The following DCDC2C variants were observed in gnomAD, a reference collection of about 807,000 sequenced individuals.
DCDC2C encodes doublecortin domain containing 2C, also known as doublecortin domain-containing protein 2C.
Under a neutral mutation model 45.0 loss-of-function variants are expected in DCDC2C, and 44 were observed. That is an observed-to-expected ratio of 0.98 (90% CI 0.77 to 1.26). DCDC2C has a LOEUF of 1.26. Among genes scored for constraint, DCDC2C ranks in the 50% most tolerant of loss-of-function variants. The pLI is 0.00. For synonymous variants in DCDC2C, 187 were observed against 178.8 expected, an observed-to-expected ratio of 1.05 and a Z score of -0.37; for missense variants, 447 against 468.9, an observed-to-expected ratio of 0.95 and a Z score of 0.43.
chr2:3,807,670 A>G (rs1368049601), intron 10 of DCDC2C, among the ~76,000 whole-genome samples: 3 of 151,920 alleles, frequency 2.0e-5, no homozygotes, highest in Non-Finnish European at 2.9e-5. Context: ...CTACCAGCAT[A>G]GTCAAGGTAT....
chr2:3,816,445 C>CT (rs1373059859), intron 10 of DCDC2C, among the ~76,000 whole-genome samples: 2 of 152,004 alleles, frequency 1.3e-5, no homozygotes, highest in African/African-American at 4.8e-5. Flanking sequence ...AGTCAGTCCC[C>CT]TTTTTTTAGC....
chr2:3,749,421 C>T (rs1016416610), intron 4 of DCDC2C, among the ~76,000 whole-genome samples: 3 of 152,166 alleles, frequency 2.0e-5, no homozygotes, highest in Admixed American at 6.5e-5. Context: ...TGTGATGTCC[C>T]GGCTCACATT....
At chr2:3,705,484 G>A (rs1397273100) in intron 1 of DCDC2C, among the ~76,000 whole-genome samples, 1 of 152,314 alleles carries the variant, frequency 6.6e-6, no homozygotes, top group Non-Finnish European at 1.5e-5. Context: ...TACAATTAAA[G>A]AATATATCTC....
At chr2:3,798,788 C>A (rs1407167986) in intron 10 of DCDC2C, among the ~76,000 whole-genome samples, 1 of 152,220 alleles carries the variant, frequency 6.6e-6, no homozygotes, top group Non-Finnish European at 1.5e-5. Flanking sequence ...ACCTTTCTCT[C>A]TGGCTGTGCT....
chr2:3,726,487 GC>G (rs1668691013), intron 2 of DCDC2C, among the ~76,000 whole-genome samples: 1 of 152,160 alleles, frequency 6.6e-6, no homozygotes, highest in East Asian at 1.9e-4. Flanking sequence ...ATAGTGGTTG[GC>G]CCGGCCTCTC....
intron 10 of DCDC2C, among the ~76,000 whole-genome samples, chr2:3,837,589 G>A (rs1263431917): frequency 1.3e-5 from 2 of 152,036 alleles, no homozygotes; most frequent in African/African-American, 4.8e-5. Context: ...ATTACAGCAC[G>A]TCTGTTCTCA....
intron 1 of DCDC2C, among the ~76,000 whole-genome samples, chr2:3,706,944 C>T (rs72769401): frequency 0.025 from 3,857 of 152,344 alleles, 68 homozygotes; most frequent in Middle Eastern, 0.088. Context: ...ATCCACTCTG[C>T]GGTACGGTTG....
At chr2:3,740,535 C>T (rs1039267611) in intron 3 of DCDC2C, among the ~76,000 whole-genome samples, 1 of 152,176 alleles carries the variant, frequency 6.6e-6, no homozygotes, top group South Asian at 2.1e-4. Context: ...ACATTGATTA[C>T]TTTTATTCCT....
intron 10 of DCDC2C, among the ~76,000 whole-genome samples, chr2:3,808,101 T>A (rs1270692339): frequency 6.6e-6 from 1 of 152,194 alleles, no homozygotes; most frequent in African/African-American, 2.4e-5. Flanking sequence ...GCTGGCAAAC[T>A]TTTGCTAAGC....
chr2:3,712,856 G>A (rs1025143870), intron 2 of DCDC2C, among the ~76,000 whole-genome samples: 5 of 152,088 alleles, frequency 3.3e-5, no homozygotes, highest in East Asian at 1.9e-4. Context: ...CTTCATCATC[G>A]TGTTCAATGT....
intron 6 of DCDC2C, among the ~76,000 whole-genome samples, chr2:3,767,296 A>C (rs1670039972): frequency 6.6e-6 from 1 of 152,258 alleles, no homozygotes; most frequent in African/African-American, 2.4e-5. Context: ...GTAAACCGCC[A>C]CATGGCTAAT....
At chr2:3,794,613 G>A in intron 10 of DCDC2C, among the ~76,000 whole-genome samples, 1 of 152,120 alleles carries the variant, frequency 6.6e-6, no homozygotes, top group Non-Finnish European at 1.5e-5. Flanking sequence ...AGAATATGTG[G>A]TGTTTGGTTT....
At chr2:3,825,720 G>A (rs1428349864) in intron 10 of DCDC2C, among the ~76,000 whole-genome samples, 4 of 152,130 alleles carry the variant, frequency 2.6e-5, no homozygotes, top group African/African-American at 7.2e-5. Context: ...TAGACAGTGG[G>A]GATCCTGGGG....
Position 3,711,699 on chromosome 2 carries a change from T to C in DCDC2C, c.339+3099T>C, listed in dbSNP as rs951929606. 4.6e-5 allele frequency among the ~76,000 whole-genome samples: 7 copies of C among 151,082 alleles called. No homozygotes were observed. The East Asian group carries it at 1.3e-3, about 29-fold the overall frequency. Reference sequence around the variant, plus strand: ...TCCTCTTTGAGCAGATCTTTGCCTTTTTGCTATTTTAAACAGTGATGTAAT... The same window carrying C: ...TCCTCTTTGAGCAGATCTTTGCCTTCTTGCTATTTTAAACAGTGATGTAAT... On this transcript the variant is annotated intron_variant, in intron 2 of 10. Coordinates refer to ENST00000399143, the MANE Select transcript of DCDC2C (RefSeq NM_001287444.2).
intron 10 of DCDC2C, among the ~76,000 whole-genome samples, chr2:3,843,332 G>A (rs1405417232): frequency 1.3e-5 from 2 of 152,126 alleles, no homozygotes; most frequent in African/African-American, 2.4e-5. Flanking sequence ...GGGTCTACGC[G>A]TTACTTCTGA....
chr2:3,758,948 G>A (rs1262679102), intron 6 of DCDC2C, among the ~76,000 whole-genome samples: 1 of 152,198 alleles, frequency 6.6e-6, no homozygotes, highest in African/African-American at 2.4e-5. Context: ...CAGAAGAGCC[G>A]ATTCACTTTG....
At chr2:3,710,882 A>G (rs1423588045) in intron 2 of DCDC2C, among the ~76,000 whole-genome samples, 2 of 152,184 alleles carry the variant, frequency 1.3e-5, no homozygotes, top group African/African-American at 4.8e-5. Context: ...AGGTTGATTC[A>G]ATGACTTTGC....
chr2:3,779,882 T>C (rs1368286669), intron 9 of DCDC2C, among the ~76,000 whole-genome samples: 1 of 151,996 alleles, frequency 6.6e-6, no homozygotes, highest in Non-Finnish European at 1.5e-5. Context: ...GCCACGCAGG[T>C]CACCCCCGGC....
intron 10 of DCDC2C, among the ~76,000 whole-genome samples, chr2:3,828,215 G>A (rs1309861353): frequency 1.3e-5 from 2 of 152,198 alleles, no homozygotes; most frequent in Non-Finnish European, 2.9e-5. Context: ...TTGCCAGATG[G>A]TTATTCTCAA....
Sources: gnomAD v4.1 joint callset for allele counts (sites outside exome capture counted in the v4.1 genomes callset) on GRCh38, gnomAD v4.1.1 for gene constraint, MANE v1.5 for transcripts, NCBI Gene and HGNC (gene_info 2026-07-23, HGNC 2026-07-21) for gene names.